DHX40: variants seen among roughly 807,000 people sequenced by gnomAD.
DHX40 encodes the protein DEAH-box helicase 40, also known as probable ATP-dependent RNA helicase DHX40.
In DHX40, 28 loss-of-function variants were observed where a neutral mutation model predicts 89.6. That is an observed-to-expected ratio of 0.31 (90% CI 0.23 to 0.43). The LOEUF (loss-of-function observed/expected upper bound fraction) is 0.43. Ranked by LOEUF, DHX40 falls within the 20% of genes least tolerant of loss-of-function variation. The pLI, the probability that DHX40 is intolerant of heterozygous loss-of-function variation, is 1.00. For missense variants in DHX40, 457 were observed against 844.0 expected (o/e 0.54, Z 5.68); for synonymous variants, 226 against 283.6 (o/e 0.80, Z 2.04).
intron 4 of DHX40, 142 bp from the exon 5 acceptor site, chr17:59,573,598 C>T: frequency 1.0e-6 from 1 of 973,530 alleles, no homozygotes; most frequent in Non-Finnish European, 1.5e-6. Flanking sequence ...GCTGGGATTA[C>T]AGGTGTGAGC....
chr17:59,602,094 C>T (rs923491070), intron 14 of DHX40, among the ~76,000 whole-genome samples: 1 of 152,214 alleles, frequency 6.6e-6, no homozygotes, highest in Non-Finnish European at 1.5e-5. Flanking sequence ...CTGCATCTCT[C>T]TGGAGTTGTG....
intron 17 of DHX40, among the ~76,000 whole-genome samples, chr17:59,606,418 G>A (rs2030853294): frequency 6.6e-6 from 1 of 152,132 alleles, no homozygotes; most frequent in African/African-American, 2.4e-5. Context: ...GAAGAGTTTT[G>A]CCGAATAAAT....
At chr17:59,576,390 A>T (rs1483499597) in intron 7 of DHX40, among the ~76,000 whole-genome samples, 1 of 151,844 alleles carries the variant, frequency 6.6e-6, no homozygotes, top group Admixed American at 6.6e-5. Context: ...TTGTAAAGTT[A>T]AAGGGAAATT....
intron 3 of DHX40, among the ~76,000 whole-genome samples, chr17:59,571,870 G>A (rs1291868561): frequency 1.3e-5 from 2 of 152,156 alleles, no homozygotes; most frequent in Middle Eastern, 3.4e-3. Flanking sequence ...GCGCCCTGCT[G>A]TATCTTCTGT....
At chr17:59,569,512 A>G (rs949714650) in intron 2 of DHX40, among the ~76,000 whole-genome samples, 3 of 149,968 alleles carry the variant, frequency 2.0e-5, no homozygotes, top group African/African-American at 7.3e-5. Flanking sequence ...ATTCTAATTT[A>G]AAAAATATAT....
chr17:59,566,839 C>T (rs556238166), intron 2 of DHX40, 45 bp downstream of exon 2: 13 of 1,504,232 alleles, frequency 8.6e-6, no homozygotes, highest in African/African-American at 1.4e-5. Flanking sequence ...TTAAAAATAT[C>T]CTCTTTTTAA....
At chr17:59,571,906 C>T (rs534784125) in intron 3 of DHX40, among the ~76,000 whole-genome samples, 2 of 152,238 alleles carry the variant, frequency 1.3e-5, no homozygotes, top group Admixed American at 1.3e-4. Flanking sequence ...TACAAATTTG[C>T]CTACTCCGGG....
Position 59,607,314 on chromosome 17 carries a change from C to T in DHX40, c.*142C>T, listed in dbSNP as rs951728222. 2 of 1,534,016 alleles carry T rather than the reference C, an allele frequency of 1.3e-6. No individual in the cohort carries two copies. Among genetic ancestry groups the T allele is most frequent in the African/African-American group, 2.7e-5 (2 of 73,120 alleles). On this transcript the variant is annotated 3_prime_UTR_variant, in exon 18 of 18. Coordinates refer to ENST00000251241, the MANE Select transcript of DHX40 (RefSeq NM_024612.5). ...TATGAACTAAAAGCAAATCAAAGCT[C>T]ATAAATCAAAGCTCATCAGTTCCCA...
intron 7 of DHX40, among the ~76,000 whole-genome samples, chr17:59,576,065 T>C (rs1260726404): frequency 1.6e-5 from 2 of 126,578 alleles, no homozygotes; most frequent in Non-Finnish European, 3.2e-5. Context: ...AAGTTTTGTA[T>C]TTTTTTTTTT....
Position 59,607,401 on chromosome 17 carries a change from C to A in DHX40, c.*229C>A. 2.7e-6 allele frequency: 2 copies of A among 754,420 alleles called. No individual in the cohort carries two copies. Among genetic ancestry groups the A allele is most frequent in the Non-Finnish European group, 4.3e-6 (2 of 463,438 alleles). 46.7% of individuals were successfully genotyped at this position (754,420 alleles called of 1,614,324 possible). A position where few individuals can be genotyped will look rare whatever the true frequency, so the allele number is the denominator to read the frequency against. On this transcript the variant is annotated 3_prime_UTR_variant, in exon 18 of 18. Coordinates refer to ENST00000251241, the MANE Select transcript of DHX40 (RefSeq NM_024612.5). The stretch of plus-strand genomic sequence containing the variant: ...AGTCATAAGCAATGATACATGAAAC[C>A]AATGAAAGACAGTACATGTAATAAT...
chr17:59,582,285 C>A lies in DHX40; in HGVS notation c.1343+2406C>A, dbSNP rs1300702507. Among the ~76,000 whole-genome samples the A allele has an allele frequency of 1.6e-5, 2 of 123,810 alleles. 1 individual carries two copies. Among genetic ancestry groups the A allele is most frequent in the Non-Finnish European group, 3.2e-5 (2 of 62,786 alleles). 81.2% of individuals were successfully genotyped at this position (123,810 alleles called of 152,430 possible). A position where few individuals can be genotyped will look rare whatever the true frequency, so the allele number is the denominator to read the frequency against. ...AATCGCAAAATTATGTTTCAAAATG[C>A]TTGAAACAAAAAACAAAGACTTCCT... On this transcript the variant is annotated intron_variant, in intron 10 of 17. Coordinates refer to ENST00000251241, the MANE Select transcript of DHX40 (RefSeq NM_024612.5).
rs370866564 is a variant in DHX40, at chr17:59,586,139, A to G, written c.1344-14A>G. 26 of 1,568,370 alleles carry G rather than the reference A, an allele frequency of 1.7e-5. 1 individual carries two copies. The highest frequency in any genetic ancestry group is 2.3e-5 in the Non-Finnish European group (26 of 1,151,324). ...AGGAATGCCTCTCACTTCATATCTC[A>G]TTTAAACACACAGGTTTCCCTATTT... On this transcript the variant is annotated splice_polypyrimidine_tract_variant and intron_variant, in intron 10 of 17. Transcript: ENST00000251241.
In DHX40 at chr17:59,601,962, T is replaced by G. The variant is rs1323501645; in HGVS notation, c.1807-560T>G. 3.3e-5 allele frequency among the ~76,000 whole-genome samples: 5 copies of G among 152,258 alleles called. No individual in the cohort carries two copies. In the East Asian group the frequency reaches 9.6e-4, roughly 29 times the overall value. On this transcript the variant is annotated intron_variant, in intron 14 of 17. Coordinates refer to ENST00000251241, the MANE Select transcript of DHX40 (RefSeq NM_024612.5). ...TGTGGCTTATAGGAACAGGCGCCAT[T>G]ACTAGCCCTGTGAAAACACCATGCC...
chr17:59,569,480 G>GA (rs201827564), intron 2 of DHX40, among the ~76,000 whole-genome samples: 3,616 of 150,506 alleles, frequency 0.024, 75 homozygotes, highest in Admixed American at 0.036. Context: ...TTTTTAGACA[G>GA]AAAAAAACAG....
intron 12 of DHX40, among the ~76,000 whole-genome samples, chr17:59,589,930 A>C (rs1397279999): frequency 6.6e-6 from 1 of 150,902 alleles, no homozygotes; most frequent in African/African-American, 2.5e-5. Context: ...CATGTTGGTC[A>C]GGCTGGTCTG....
At chr17:59,572,800 C>T (rs2048829685) in intron 3 of DHX40, among the ~76,000 whole-genome samples, 1 of 152,206 alleles carries the variant, frequency 6.6e-6, no homozygotes, top group Non-Finnish European at 1.5e-5. Context: ...AATCTCATTT[C>T]ACTGTTGTTT....
Position 59,566,672 on chromosome 17 carries a change from T to C in DHX40, c.158T>C (p.Phe53Ser). The C allele has an allele frequency of 6.2e-7, 1 of 1,604,648 alleles. No individual in the cohort carries two copies. The highest frequency in any genetic ancestry group is 8.5e-7 in the Non-Finnish European group (1 of 1,177,686). ...TSQEGGTTPT[F>S]PIQKQRKKII... ...CAGGAGGGAGGAACTACTCCAACTT[T>C]TCCTATTCAGAAACAAAGAAAAAAG... The change falls in exon 2 of 18, where the codon TTT becomes TCT. Residue 53 changes from phenylalanine to serine, a missense_variant. Transcript: ENST00000251241.
At chr17:59,599,171 T>G (rs1388606811) in intron 13 of DHX40, among the ~76,000 whole-genome samples, 43 of 151,488 alleles carry the variant, frequency 2.8e-4, no homozygotes, top group Non-Finnish European at 4.9e-4. Context: ...ATTTACAAAT[T>G]ATTTTTTAAT....
chr17:59,593,724 C>T (rs1050115633), intron 12 of DHX40, among the ~76,000 whole-genome samples: 3 of 143,044 alleles, frequency 2.1e-5, no homozygotes, highest in Admixed American at 7.1e-5. Flanking sequence ...TCAGGTGATC[C>T]GCCCACCTTG....
Sources: gnomAD v4.1 joint callset for allele counts (sites outside exome capture counted in the v4.1 genomes callset) on GRCh38, gnomAD v4.1.1 for gene constraint, MANE v1.5 for transcripts, NCBI Gene and HGNC (gene_info 2026-07-23, HGNC 2026-07-21) for gene names.